FSTL5: variants seen among roughly 807,000 people sequenced by gnomAD.
The protein encoded by FSTL5 is follistatin like 5.
Under a neutral mutation model 89.1 loss-of-function variants are expected in FSTL5, and 62 were observed. The ratio of observed to expected loss-of-function variants is 0.70; its 90% CI spans 0.57 to 0.86. The LOEUF (loss-of-function observed/expected upper bound fraction) is 0.86. Ranked by LOEUF, FSTL5 falls within the 40% of genes least tolerant of loss-of-function variation. The pLI is 0.00. For synonymous variants in FSTL5, 383 were observed against 346.2 expected (o/e 1.11, Z -1.18); for missense variants, 1,057 against 1,001.6 (o/e 1.06, Z -0.75).
At chr4:161,463,723 A>G (rs1483300378) in intron 13 of FSTL5, among the ~76,000 whole-genome samples, 1 of 152,202 alleles carries the variant, frequency 6.6e-6, no homozygotes. Context: ...TGTTTTTGCC[A>G]CAGACAACTT....
intron 8 of FSTL5, among the ~76,000 whole-genome samples, chr4:161,585,179 G>C (rs140185092): frequency 0.014 from 2,100 of 152,228 alleles, 66 homozygotes; most frequent in South Asian, 0.13. Flanking sequence ...ACATAAAGCC[G>C]GCAGTTTGGC....
intron 5 of FSTL5, among the ~76,000 whole-genome samples, chr4:161,762,206 C>T (rs771005323): frequency 4.6e-5 from 7 of 152,058 alleles, no homozygotes; most frequent in South Asian, 2.1e-4. Flanking sequence ...CTTGCTCTGT[C>T]GCCCAGGCTA....
chr4:162,089,124 C>T (rs571687281), intron 2 of FSTL5, among the ~76,000 whole-genome samples: 2 of 152,150 alleles, frequency 1.3e-5, no homozygotes, highest in African/African-American at 4.8e-5. Context: ...CTCACCCTCT[C>T]ATGCTCTCTT....
chr4:161,688,400 CTGTTA>C (rs112349777), intron 6 of FSTL5, among the ~76,000 whole-genome samples: 2,142 of 152,246 alleles, frequency 0.014, 46 homozygotes, highest in African/African-American at 0.049. Flanking sequence ...CTGTCATACT[CTGTTA>C]TAACAGCACA....
At chr4:161,860,738 CT>C (rs1291157673) in intron 4 of FSTL5, among the ~76,000 whole-genome samples, 1 of 152,126 alleles carries the variant, frequency 6.6e-6, no homozygotes, top group African/African-American at 2.4e-5. Flanking sequence ...TCTCATAACA[CT>C]ATACTTACAT....
At chr4:161,710,522 T>C in intron 6 of FSTL5, among the ~76,000 whole-genome samples, 1 of 152,258 alleles carries the variant, frequency 6.6e-6, no homozygotes, top group East Asian at 1.9e-4. Flanking sequence ...TATGGCTTCC[T>C]TTTTTGTTGT....
intron 10 of FSTL5, 141 bp from the exon 11 acceptor site, chr4:161,510,565 G>A (rs1730619759): frequency 2.0e-6 from 1 of 490,822 alleles, no homozygotes. Context: ...AATTCAGTGA[G>A]CTACTTTAAA....
chr4:161,678,756 A>G (rs1292418805), intron 6 of FSTL5, among the ~76,000 whole-genome samples: 1 of 151,824 alleles, frequency 6.6e-6, no homozygotes, highest in Non-Finnish European at 1.5e-5. Context: ...GAAAGAAAGA[A>G]GTTGAAGAGT....
intron 1 of FSTL5, among the ~76,000 whole-genome samples, chr4:162,144,896 G>C (rs1437132665): frequency 6.7e-6 from 1 of 150,220 alleles, no homozygotes; most frequent in Non-Finnish European, 1.5e-5. Context: ...TATTCCTGTA[G>C]GTGGTAAATT....
At chr4:162,103,874 C>T (rs1474400012) in intron 2 of FSTL5, among the ~76,000 whole-genome samples, 3 of 152,162 alleles carry the variant, frequency 2.0e-5, no homozygotes, top group Non-Finnish European at 4.4e-5. Flanking sequence ...ACAGAAATAG[C>T]CAATCATCTA....
Position 162,143,876 on chromosome 4 carries a change from A to C in FSTL5, c.-17+19739T>G, listed in dbSNP as rs144183077. Among the ~76,000 whole-genome samples the C allele has an allele frequency of 7.4e-3, 1,128 of 152,040 alleles. 6 individuals carry two copies. Among genetic ancestry groups the C allele is most frequent in the Middle Eastern group, 0.014 (4 of 294 alleles). On this transcript the variant is annotated intron_variant, in intron 1 of 15. Transcript: ENST00000306100. ...CTTTGCAGAGTTTCCAAGCAGAACTATCTCAAGTTTTTTGTATTTTTCCCT... is the reference window on the plus strand; with the variant it reads ...CTTTGCAGAGTTTCCAAGCAGAACTCTCTCAAGTTTTTTGTATTTTTCCCT...
chr4:161,824,347 C>G (rs998613395), intron 4 of FSTL5, among the ~76,000 whole-genome samples: 1 of 152,114 alleles, frequency 6.6e-6, no homozygotes, highest in African/African-American at 2.4e-5. Context: ...TTTCTGGGTT[C>G]TCTATTCTGT....
chr4:161,950,436 C>G (rs1015402312), intron 3 of FSTL5, among the ~76,000 whole-genome samples: 1 of 152,148 alleles, frequency 6.6e-6, no homozygotes, highest in Non-Finnish European at 1.5e-5. Context: ...CTTAAAAAGA[C>G]TTAGGAAAAT....
At chr4:161,595,420 C>T (rs1733979638) in intron 7 of FSTL5, among the ~76,000 whole-genome samples, 1 of 152,034 alleles carries the variant, frequency 6.6e-6, no homozygotes, top group Non-Finnish European at 1.5e-5. Context: ...TGAGCCTCTA[C>T]ACCATTACAG....
intron 1 of FSTL5, among the ~76,000 whole-genome samples, chr4:162,122,087 G>T (rs1731889155): frequency 6.6e-6 from 1 of 151,954 alleles, no homozygotes; most frequent in African/African-American, 2.4e-5. Flanking sequence ...GTTAAGTTTG[G>T]GGGGAGTCAA....
chr4:161,697,155 C>G (rs2126726197), intron 6 of FSTL5, among the ~76,000 whole-genome samples: 1 of 152,288 alleles, frequency 6.6e-6, no homozygotes, highest in Admixed American at 6.5e-5. Flanking sequence ...TGAGTCACAC[C>G]AGGAATATGC....
rs11930119 is a variant in FSTL5, at chr4:161,545,239, T to C, written c.1016-2546A>G. On this transcript the variant is annotated intron_variant, in intron 8 of 15. Transcript: ENST00000306100. ...CTCATGGAAGTGAGCTACAACTGTT[T>C]CTCCCTCAAGAATAGTTCCCAAAGC... Among the ~76,000 whole-genome samples, 1,065 of 152,156 alleles carry C rather than the reference T, an allele frequency of 7.0e-3. 8 individuals carry two copies. Among genetic ancestry groups the C allele is most frequent in the African/African-American group, 0.024 (1,010 of 41,548 alleles).
chr4:161,843,571 G>T (rs1371249725), intron 4 of FSTL5, among the ~76,000 whole-genome samples: 1 of 152,090 alleles, frequency 6.6e-6, no homozygotes, highest in Non-Finnish European at 1.5e-5. Context: ...AACCAAAACA[G>T]CATGGTACTG....
chr4:161,908,726 T>G (rs186678745), intron 4 of FSTL5, among the ~76,000 whole-genome samples: 1 of 152,224 alleles, frequency 6.6e-6, no homozygotes, highest in East Asian at 1.9e-4. Context: ...TGCCCAAAAC[T>G]TTATACACTT....
Sources: gnomAD v4.1 joint callset for allele counts (sites outside exome capture counted in the v4.1 genomes callset) on GRCh38, gnomAD v4.1.1 for gene constraint, MANE v1.5 for transcripts, NCBI Gene and HGNC (gene_info 2026-07-23, HGNC 2026-07-21) for gene names.